DDB1: variants seen among roughly 807,000 people sequenced by gnomAD.
DDB1 encodes DNA damage-binding protein 1.
Under a neutral mutation model 133.1 loss-of-function variants are expected in DDB1, and 18 were observed. The ratio of observed to expected loss-of-function variants is 0.14; its 90% confidence interval spans 0.09 to 0.20. The LOEUF is 0.20. DDB1 is among the 10% of genes least tolerant of loss of function. DDB1 has a pLI of 1.00. For synonymous variants in DDB1, 580 were observed against 550.5 expected, an observed-to-expected ratio of 1.05 and a Z score of -0.75; for missense variants, 828 against 1,459.2, an observed-to-expected ratio of 0.57 and a Z score of 7.05.
In DDB1 at chr11:61,300,932, G is replaced by C. The variant is rs1378055351; in HGVS notation, c.3216C>G (p.Phe1072Leu). ...TCCGCTCGGTGTGAAAGGATCTCCA[G>C]GTGGATGGGTGAGTTAAGGAACACG... ...IKSVGKIEHS[F>L]WRSFHTERKT... Residue 1072 changes from phenylalanine to leucine, a missense_variant and splice_region_variant, in exon 26 of 27, where the codon TTC (phenylalanine) becomes TTG (leucine). Phe to Leu is a conservative substitution (Grantham distance 22). This residue lies in a region of DDB1 where 116 missense variants were observed against 221.6 expected (regional missense o/e 0.52). Coordinates refer to ENST00000301764, the MANE Select transcript of DDB1 (RefSeq NM_001923.5). 4.3e-6 allele frequency: 7 copies of C among 1,614,010 alleles called. No individual in the cohort carries two copies. Among genetic ancestry groups the C allele is most frequent in the Non-Finnish European group, 5.1e-6 (6 of 1,180,032 alleles).
At chr11:61,331,781 C>T in intron 1 of DDB1, 90 bp from the exon 2 acceptor site, 11 of 1,538,242 alleles carry the variant, frequency 7.2e-6, no homozygotes, top group Non-Finnish European at 8.9e-6. Context: ...TAAATACCTC[C>T]AGAATTCTCA....
At chr11:61,311,286 CATA>C (rs1441245511) in intron 18 of DDB1, 13 of 149,232 alleles carry the variant, frequency 8.7e-5, no homozygotes, top group African/African-American at 3.4e-4. Flanking sequence ...CATAACATAA[CATA>C]ACATAACATA....
intron 25 of DDB1, 73 bp downstream of exon 25, chr11:61,302,184 G>A (rs575538984): frequency 5.1e-5 from 66 of 1,304,628 alleles, no homozygotes; most frequent in South Asian, 2.3e-4. Flanking sequence ...AGTAGCTTCC[G>A]GGTAATGTGA....
At chr11:61,301,577 A>G (rs1855796099) in intron 25 of DDB1, 1 of 152,200 alleles carries the variant, frequency 6.6e-6, no homozygotes, top group Non-Finnish European at 1.5e-5. Context: ...CCTCCAATTA[A>G]AACAAAAAAA....
chr11:61,331,368 A>G (rs140632640), intron 2 of DDB1, among the ~76,000 whole-genome samples, 175 bp downstream of exon 2: 26 of 152,158 alleles, frequency 1.7e-4, no homozygotes, highest in Non-Finnish European at 3.1e-4. Context: ...TACCCCAGCT[A>G]CTCTACTCCA....
At chr11:61,327,179 G>C (rs1238361359) in intron 4 of DDB1, among the ~76,000 whole-genome samples, 1 of 152,208 alleles carries the variant, frequency 6.6e-6, no homozygotes, top group Non-Finnish European at 1.5e-5. Flanking sequence ...TACTATAAGA[G>C]ATACTGTGTG....
chr11:61,309,047 A>G lies in DDB1; in HGVS notation c.2597T>C (p.Val866Ala). The G allele has an allele frequency of 1.2e-6, 2 of 1,614,014 alleles. No individual in the cohort carries two copies. The highest frequency in any genetic ancestry group is 1.7e-6 in the Non-Finnish European group (2 of 1,180,018). ...CACCATAGAGTACACGGCCCCTTTC[A>G]CTTCCTTTTCAGCCACAGTCTGTAG... The part of the protein sequence containing the change: ...GKLQTVAEKE[V>A]KGAVYSMVEF... Residue 866 changes from valine to alanine, a missense_variant, in exon 21 of 27, where the codon GTG becomes GCG. Transcript: ENST00000301764.
In DDB1 at chr11:61,300,107, G is replaced by T. The variant is rs753797966; in HGVS notation, c.*29C>A. 2.5e-5 allele frequency: 41 copies of T among 1,609,940 alleles called. No homozygotes were observed. Among genetic ancestry groups the T allele is most frequent in the Non-Finnish European group, 3.4e-5 (40 of 1,176,764 alleles). ...GGCAGCAGGGCAAAGCCTTTGGGGA[G>T]GGTCAGCAAAGGGGCCCCCTGCCCT... On this transcript the variant is annotated 3_prime_UTR_variant, in exon 27 of 27. Transcript: ENST00000301764.
intron 10 of DDB1, among the ~76,000 whole-genome samples, chr11:61,320,744 G>A (rs1179893709): frequency 6.6e-6 from 1 of 152,006 alleles, no homozygotes; most frequent in Non-Finnish European, 1.5e-5. Flanking sequence ...AGGTGGTTTT[G>A]TTTTATGATT....
rs28720347 is a variant in DDB1, at chr11:61,303,658, C to T, written c.2832+207G>A. Among the ~76,000 whole-genome samples the T allele has an allele frequency of 8.3e-3, 1,212 of 145,350 alleles. 21 individuals are homozygous for T. The highest frequency in any genetic ancestry group is 0.029 in the African/African-American group (1,101 of 38,014). ...GGCAGAGCTTGCAGTAAGCCGAGAT[C>T]GCACCACCGCACTTCAGCCTGGACA... On this transcript the variant is annotated intron_variant, in intron 22 of 26. Transcript: ENST00000301764.
chr11:61,318,767 T>C (rs1488871373), intron 10 of DDB1, among the ~76,000 whole-genome samples: 1 of 152,254 alleles, frequency 6.6e-6, no homozygotes, highest in Non-Finnish European at 1.5e-5. Flanking sequence ...CTTTGAGTCA[T>C]AGTTATGGCT....
At chr11:61,309,110 T>C (rs542334059) in intron 20 of DDB1, 33 bp from the exon 21 acceptor site, 1 of 1,598,700 alleles carries the variant, frequency 6.3e-7, no homozygotes, top group East Asian at 2.2e-5. Flanking sequence ...TGAGTCTCTA[T>C]GAGCCCACAC....
chr11:61,321,419 T>C (rs1397314463), intron 10 of DDB1, 176 bp downstream of exon 10: 1 of 469,318 alleles, frequency 2.1e-6, no homozygotes, highest in Non-Finnish European at 3.8e-6. Context: ...TTTTTTTTTT[T>C]TCTAAAGTTT....
Position 61,314,101 on chromosome 11 carries a change from G to T in DDB1, c.1699C>A (p.Arg567Ser). 1.2e-6 allele frequency: 2 copies of T among 1,614,098 alleles called. No homozygotes were observed. Among genetic ancestry groups the T allele is most frequent in the Non-Finnish European group, 1.7e-6 (2 of 1,180,014 alleles). ...TCAAAAGAGGGCAACTTCAAGATACGAGCCGAGATGTCCGTCCAGAGGCCA... is the reference window on the plus strand; with the variant it reads ...TCAAAAGAGGGCAACTTCAAGATACTAGCCGAGATGTCCGTCCAGAGGCCA... ...AIGLWTDISA[R>S]ILKLPSFELL... The change falls in exon 14 of 27, where the codon CGT (arginine) becomes AGT (serine). Residue 567 changes from arginine (R) to serine (S), a missense_variant. Arg to Ser is a moderately radical substitution (Grantham distance 110, BLOSUM62 -1). Coordinates refer to ENST00000301764, the MANE Select transcript of DDB1 (RefSeq NM_001923.5).
chr11:61,323,894 C>T lies in DDB1; in HGVS notation c.921+85G>A, dbSNP rs917801843. 2.0e-6 allele frequency: 3 copies of T among 1,476,284 alleles called. No individual in the cohort carries two copies. In the African/African-American group the frequency reaches 4.2e-5, roughly 21 times the overall value. 91.4% of individuals were successfully genotyped at this position (1,476,284 alleles called of 1,614,324 possible). A position where few individuals can be genotyped will look rare whatever the true frequency, so the allele number is the denominator to read the frequency against. ...TGTTAGGTGTTAAGTAACATAATTC[C>T]CAGAGTTGAGGTGTGGGACCACACA... On this transcript the variant is annotated intron_variant, in intron 7 of 26. Coordinates refer to ENST00000301764, the MANE Select transcript of DDB1 (RefSeq NM_001923.5).
chr11:61,308,290 G>T (rs540303362), intron 21 of DDB1, among the ~76,000 whole-genome samples: 1 of 152,102 alleles, frequency 6.6e-6, no homozygotes, highest in Non-Finnish European at 1.5e-5. Flanking sequence ...AGCACAGGTA[G>T]GGTTCTTACC....
rs553728589 is a variant in DDB1, at chr11:61,318,653, T to A, written c.1226-2086A>T. Among the ~76,000 whole-genome samples, 72 of 152,360 alleles carry A rather than the reference T, an allele frequency of 4.7e-4. 1 individual carries two copies. In the South Asian group the frequency reaches 0.014, roughly 29 times the overall value. On this transcript the variant is annotated intron_variant, in intron 10 of 26. Coordinates refer to ENST00000301764, the MANE Select transcript of DDB1 (RefSeq NM_001923.5). ...CTACAGAATATTTTTATCTGGTTTG[T>A]CATTTCTTCTGACTTACCTAATAGT...
At position 61,314,561 on chromosome 11, in the gene DDB1, G is replaced by A. The variant is rs1451291979; in HGVS notation, c.1411-75C>T. 2.1e-6 allele frequency: 3 copies of A among 1,451,714 alleles called. No homozygotes were observed. In the East Asian group the frequency reaches 6.9e-5, roughly 33 times the overall value. 89.9% of individuals were successfully genotyped at this position (1,451,714 alleles called of 1,614,324 possible). A position where few individuals can be genotyped will look rare whatever the true frequency, so the allele number is the denominator to read the frequency against. On this transcript the variant is annotated intron_variant, in intron 12 of 26. Coordinates refer to ENST00000301764, the MANE Select transcript of DDB1 (RefSeq NM_001923.5). ...ACACAGGAGTGGAAAGGTGGTAAAT[G>A]CAGCCCTAATAGAGCCCTACGAATA...
Position 61,300,026 on chromosome 11 carries a change from T to C in DDB1, c.*110A>G. The stretch of plus-strand genomic sequence containing the variant: ...GGGGAACTGTGGCTCTGGGGGCAGC[T>C]GGCTTAGGGAAAGGCCTCCCATGGC... On this transcript the variant is annotated 3_prime_UTR_variant, in exon 27 of 27. Transcript: ENST00000301764. The C allele has an allele frequency of 9.4e-7, 1 of 1,062,706 alleles. No homozygotes were observed. Among genetic ancestry groups the C allele is most frequent in the South Asian group, 1.3e-5 (1 of 75,896 alleles). The allele number at this position is 1,062,706 out of a possible 1,614,324, so 65.8% of individuals were successfully genotyped here.
Sources: allele counts gnomAD v4.1 joint callset (sites outside exome capture counted in the v4.1 genomes callset), GRCh38; gene constraint gnomAD v4.1.1; regional missense constraint gnomAD v4.1.1; transcripts MANE v1.5; gene names NCBI Gene and HGNC (gene_info 2026-07-23, HGNC 2026-07-21).